PRELID2: variants seen among roughly 807,000 people sequenced by gnomAD.
PRELID2 encodes PRELI domain containing 2, also known as PRELI domain-containing protein 2.
In PRELID2, 25 loss-of-function variants were observed where a neutral mutation model predicts 28.4. The ratio of observed to expected loss-of-function variants is 0.88; its 90% CI spans 0.64 to 1.23. PRELID2 has a LOEUF of 1.23. Among genes scored for constraint, PRELID2 ranks in the 50% most tolerant of loss-of-function variants. The pLI is 0.00. For missense variants in PRELID2, 201 were observed against 214.4 expected (o/e 0.94, Z 0.39); for synonymous variants, 76 against 71.6 (o/e 1.06, Z -0.31).
At chr5:145,372,411 C>G in the PRELID2 span, among the ~76,000 whole-genome samples, 1 of 151,336 alleles carries the variant, frequency 6.6e-6, no homozygotes, top group South Asian at 2.1e-4. Flanking sequence ...CTAAGAATAT[C>G]CTTGTTAATT....
the PRELID2 span, among the ~76,000 whole-genome samples, chr5:145,240,201 T>C: frequency 7.9e-5 from 12 of 152,070 alleles, no homozygotes; most frequent in Non-Finnish European, 1.5e-4. Flanking sequence ...ATTGAGCAAA[T>C]GTATTTTCTT....
chr5:145,507,100 G>C (rs1752419098), intron 1 of PRELID2, among the ~76,000 whole-genome samples: 1 of 152,106 alleles, frequency 6.6e-6, no homozygotes, highest in Non-Finnish European at 1.5e-5. Context: ...ATCCTTATAA[G>C]ATAAATACAT....
chr5:145,338,810 T>C, the PRELID2 span, among the ~76,000 whole-genome samples: 1 of 152,212 alleles, frequency 6.6e-6, no homozygotes, highest in Non-Finnish European at 1.5e-5. Context: ...GGATTTTAAC[T>C]GACACTTGCC....
intron 1 of PRELID2, among the ~76,000 whole-genome samples, chr5:145,685,644 G>A (rs956958195): frequency 4.6e-5 from 7 of 151,638 alleles, no homozygotes; most frequent in Non-Finnish European, 8.8e-5. Flanking sequence ...AGTGTAGAGA[G>A]GGAAGTTCTA....
At chr5:145,460,497 A>T in the PRELID2 span, among the ~76,000 whole-genome samples, 1 of 152,120 alleles carries the variant, frequency 6.6e-6, no homozygotes, top group Admixed American at 6.6e-5. Flanking sequence ...TCTTTTCCTA[A>T]CATACTCTAC....
chr5:145,555,180 C>G (rs1384737344), intron 1 of PRELID2, among the ~76,000 whole-genome samples: 1 of 152,162 alleles, frequency 6.6e-6, no homozygotes, highest in Non-Finnish European at 1.5e-5. Context: ...AGAGCAGTGT[C>G]CATCAAAGTG....
At chr5:145,272,347 A>G in the PRELID2 span, among the ~76,000 whole-genome samples, 1 of 152,190 alleles carries the variant, frequency 6.6e-6, no homozygotes. Context: ...AAATATAACC[A>G]TATGATAAGG....
At chr5:145,770,332 A>G (rs997305170) in intron 5 of PRELID2, among the ~76,000 whole-genome samples, 2 of 152,024 alleles carry the variant, frequency 1.3e-5, no homozygotes, top group Non-Finnish European at 2.9e-5. Flanking sequence ...CTTTGGCAAC[A>G]TAGTAAGACC....
intron 1 of PRELID2, among the ~76,000 whole-genome samples, chr5:145,668,423 T>C (rs1754639772): frequency 6.6e-6 from 1 of 151,082 alleles, no homozygotes; most frequent in African/African-American, 2.4e-5. Flanking sequence ...TCCCTATAGA[T>C]ACCCAATATA....
At chr5:145,418,194 C>T in the PRELID2 span, among the ~76,000 whole-genome samples, 1 of 151,914 alleles carries the variant, frequency 6.6e-6, no homozygotes, top group Non-Finnish European at 1.5e-5. Flanking sequence ...AAGTGAATGA[C>T]CATTTCCAGG....
the PRELID2 span, among the ~76,000 whole-genome samples, chr5:145,432,385 A>G: frequency 2.6e-5 from 4 of 151,792 alleles, no homozygotes; most frequent in Admixed American, 6.6e-5. Context: ...CAAGCAGCAT[A>G]AAGCATAAAT....
intron 1 of PRELID2, among the ~76,000 whole-genome samples, chr5:145,669,614 T>G (rs1754665915): frequency 6.6e-6 from 1 of 152,138 alleles, no homozygotes; most frequent in South Asian, 2.1e-4. Context: ...TGCCATTTTA[T>G]GTTTAAAATC....
chr5:145,420,350 C>A, the PRELID2 span, among the ~76,000 whole-genome samples: 1 of 152,014 alleles, frequency 6.6e-6, no homozygotes, highest in East Asian at 1.9e-4. Context: ...AATATTGATT[C>A]TTCCTACCCA....
At chr5:145,412,331 C>A in the PRELID2 span, among the ~76,000 whole-genome samples, 1 of 152,180 alleles carries the variant, frequency 6.6e-6, no homozygotes, top group Admixed American at 6.5e-5. Context: ...AATCATTTAT[C>A]TCAAGTTCAA....
chr5:145,555,928 T>C (rs1356273099), intron 1 of PRELID2, among the ~76,000 whole-genome samples: 2 of 152,030 alleles, frequency 1.3e-5, no homozygotes, highest in Non-Finnish European at 2.9e-5. Flanking sequence ...TGGCTCATGA[T>C]TGTAATCATA....
At chr5:145,720,969 AT>A (rs1755973338) in intron 1 of PRELID2, among the ~76,000 whole-genome samples, 1 of 152,088 alleles carries the variant, frequency 6.6e-6, no homozygotes, top group South Asian at 2.1e-4. Context: ...TATATCTGCC[AT>A]ATTAGAAATT....
At chr5:145,641,261 A>G (rs1754101935) in intron 1 of PRELID2, among the ~76,000 whole-genome samples, 1 of 152,168 alleles carries the variant, frequency 6.6e-6, no homozygotes, top group African/African-American at 2.4e-5. Context: ...TAACTGGCAA[A>G]GGATTAGTAT....
intron 1 of PRELID2, among the ~76,000 whole-genome samples, chr5:145,510,143 G>C (rs1439091505): frequency 6.6e-6 from 1 of 152,156 alleles, no homozygotes; most frequent in Non-Finnish European, 1.5e-5. Flanking sequence ...AGCTACGCTA[G>C]TGACTGGTTC....
chr5:145,511,964 G>C (rs1391762782), intron 1 of PRELID2, among the ~76,000 whole-genome samples: 1 of 152,152 alleles, frequency 6.6e-6, no homozygotes, highest in Non-Finnish European at 1.5e-5. Flanking sequence ...GTGAGAAGTA[G>C]ATGGCCTCAA....
Sources: allele counts gnomAD v4.1 joint callset (sites outside exome capture counted in the v4.1 genomes callset), GRCh38; gene constraint gnomAD v4.1.1; transcripts MANE v1.5; gene names NCBI Gene and HGNC (gene_info 2026-07-23, HGNC 2026-07-21).